Variants in CENPP observed in about 807,000 individuals in gnomAD.
CENPP encodes centromere protein P.
Under a neutral mutation model 35.6 loss-of-function variants are expected in CENPP, and 24 were observed. The observed-to-expected ratio is 0.67, with a 90% CI of 0.49 to 0.95. The LOEUF (loss-of-function observed/expected upper bound fraction) is 0.95, where lower values mean the gene tolerates loss of function less well. Among genes scored for constraint, CENPP ranks in the 40% least tolerant of loss-of-function variants. The pLI, the probability that CENPP is intolerant of heterozygous loss-of-function variation, is 0.00. For synonymous variants in CENPP, 120 were observed against 125.5 expected (o/e 0.96, Z 0.29); for missense variants, 332 against 345.3 (o/e 0.96, Z 0.31).
intron 1 of CENPP, among the ~76,000 whole-genome samples, chr9:92,331,478 C>A (rs1033807570): frequency 6.6e-6 from 1 of 152,188 alleles, no homozygotes; most frequent in African/African-American, 2.4e-5. Flanking sequence ...CGGCGCCTGG[C>A]CTATTTTTTA....
intron 4 of CENPP, among the ~76,000 whole-genome samples, chr9:92,377,569 A>AG (rs752606408): frequency 5.9e-5 from 9 of 152,100 alleles, no homozygotes; most frequent in Non-Finnish European, 7.4e-5. Flanking sequence ...CCTTTTTCTG[A>AG]TTAAGTGTTT....
At chr9:92,397,495 T>G (rs1588096008) in intron 5 of CENPP, among the ~76,000 whole-genome samples, 1 of 151,930 alleles carries the variant, frequency 6.6e-6, no homozygotes, top group Non-Finnish European at 1.5e-5. Context: ...CCCAGCTAAT[T>G]TTTTTTGTAT....
intron 5 of CENPP, chr9:92,389,575 T>C (rs1842582894): frequency 4.1e-6 from 1 of 242,212 alleles, no homozygotes. Flanking sequence ...GCCAACCATG[T>C]CTGTCTAAAT....
chr9:92,544,285 G>C (rs1849379481), intron 5 of CENPP, among the ~76,000 whole-genome samples: 1 of 152,222 alleles, frequency 6.6e-6, no homozygotes. Flanking sequence ...AGGCCAGCCT[G>C]GCTAACTTGA....
At chr9:92,417,422 C>T (rs139573768) in intron 5 of CENPP, 100 of 1,613,886 alleles carry the variant, frequency 6.2e-5, no homozygotes, top group Non-Finnish European at 4.0e-5. Flanking sequence ...TACATTTTGA[C>T]GAAATGGGAA....
intron 5 of CENPP, among the ~76,000 whole-genome samples, chr9:92,486,745 C>T (rs1338757837): frequency 1.3e-5 from 2 of 151,456 alleles, no homozygotes; most frequent in East Asian, 3.9e-4. Flanking sequence ...AAATGAAGGA[C>T]TTATACAATT....
intron 5 of CENPP, among the ~76,000 whole-genome samples, chr9:92,511,572 C>G (rs1847346698): frequency 6.6e-6 from 1 of 152,014 alleles, no homozygotes; most frequent in Non-Finnish European, 1.5e-5. Context: ...TCCAGAACCC[C>G]CTTCTGCCAA....
intron 5 of CENPP, among the ~76,000 whole-genome samples, chr9:92,479,884 C>T (rs1845851581): frequency 6.6e-6 from 1 of 152,118 alleles, no homozygotes; most frequent in South Asian, 2.1e-4. Flanking sequence ...CTAAACCTCC[C>T]CCAGTTCAGT....
chr9:92,471,013 A>T (rs1845492453), intron 5 of CENPP, among the ~76,000 whole-genome samples: 1 of 152,148 alleles, frequency 6.6e-6, no homozygotes, highest in African/African-American at 2.4e-5. Context: ...GTCACTACTC[A>T]TCCCCTCTAA....
intron 5 of CENPP, among the ~76,000 whole-genome samples, chr9:92,560,276 A>C (rs1468906538): frequency 6.6e-6 from 1 of 152,232 alleles, no homozygotes; most frequent in Non-Finnish European, 1.5e-5. Context: ...TGAAGAAAGC[A>C]TCATCATGAA....
upstream of CENPP, chr9:92,325,888 A>G (rs544861424): frequency 5.9e-5 from 48 of 819,080 alleles, 1 homozygote; most frequent in South Asian, 7.8e-4. Flanking sequence ...CCTCCGCGTG[A>G]GCTCTGGGAT....
At chr9:92,516,517 A>G (rs1005185323) in intron 5 of CENPP, among the ~76,000 whole-genome samples, 1 of 152,258 alleles carries the variant, frequency 6.6e-6, no homozygotes, top group Non-Finnish European at 1.5e-5. Context: ...TATGTATTAT[A>G]AAGTCTGTGA....
chr9:92,441,411 A>C (rs1844383332), intron 5 of CENPP, among the ~76,000 whole-genome samples: 1 of 152,178 alleles, frequency 6.6e-6, no homozygotes, highest in South Asian at 2.1e-4. Flanking sequence ...ATCAAATAAA[A>C]TGTAAGGAAG....
chr9:92,487,039 C>T (rs1846075422), intron 5 of CENPP, among the ~76,000 whole-genome samples: 1 of 152,178 alleles, frequency 6.6e-6, no homozygotes, highest in South Asian at 2.1e-4. Flanking sequence ...GCCTCGGCCT[C>T]CCAAAGCGCT....
intron 3 of CENPP, chr9:92,339,929 G>C (rs1250067803): frequency 6.5e-6 from 1 of 153,736 alleles, no homozygotes; most frequent in African/African-American, 2.4e-5. Context: ...ATGTGAACTT[G>C]ACCTGAGAGT....
chr9:92,551,945 A>T, intron 5 of CENPP, among the ~76,000 whole-genome samples: 1 of 120,146 alleles, frequency 8.3e-6, no homozygotes, highest in African/African-American at 4.1e-5. Flanking sequence ...ATATATATAT[A>T]TATATATGAT....
intron 5 of CENPP, among the ~76,000 whole-genome samples, chr9:92,452,735 C>G (rs1844750587): frequency 6.6e-6 from 1 of 151,990 alleles, no homozygotes; most frequent in Non-Finnish European, 1.5e-5. Flanking sequence ...GTCCTGGACT[C>G]TTTTTGGTTG....
chr9:92,538,904 C>A (rs1044989410), intron 5 of CENPP: 2 of 152,080 alleles, frequency 1.3e-5, no homozygotes, highest in Non-Finnish European at 2.9e-5. Flanking sequence ...ATCACCTTTT[C>A]AGTATTTTTC....
intron 5 of CENPP, among the ~76,000 whole-genome samples, chr9:92,568,163 G>A (rs1850042294): frequency 1.3e-5 from 2 of 149,716 alleles, no homozygotes; most frequent in African/African-American, 2.5e-5. Flanking sequence ...GTATACATGT[G>A]CCATGTTGGT....
Sources: allele counts gnomAD v4.1 joint callset (sites outside exome capture counted in the v4.1 genomes callset), GRCh38; gene constraint gnomAD v4.1.1; transcripts MANE v1.5; gene names NCBI Gene and HGNC (gene_info 2026-07-23, HGNC 2026-07-21).